Variants in PPM1L observed in about 807,000 individuals in gnomAD.
PPM1L encodes protein phosphatase 1L.
Under a neutral mutation model 31.4 loss-of-function variants are expected in PPM1L, and 13 were observed. The observed-to-expected ratio is 0.41, with a 90% CI of 0.27 to 0.66. The LOEUF (loss-of-function observed/expected upper bound fraction) is 0.66, where lower values mean the gene tolerates loss of function less well. PPM1L is among the 30% of genes least tolerant of loss of function. The probability of loss-of-function intolerance (pLI) is 0.29; values close to 1 mark genes in which losing one functional copy is unlikely to be tolerated. For synonymous variants in PPM1L, 184 were observed against 175.4 expected (o/e 1.05, Z -0.39); for missense variants, 326 against 453.7 (o/e 0.72, Z 2.56).
chr3:161,022,657 C>CTTTTTTTTTT (rs71147399), intron 2 of PPM1L, among the ~76,000 whole-genome samples: 3 of 93,716 alleles, frequency 3.2e-5, no homozygotes, highest in Non-Finnish European at 3.8e-5. Flanking sequence ...ATTTCTCCTT[C>CTTTTTTTTTT]TTTTTTTTTT....
At chr3:160,981,776 T>TTTA (rs1179301815) in intron 2 of PPM1L, among the ~76,000 whole-genome samples, 3 of 77,896 alleles carry the variant, frequency 3.9e-5, no homozygotes, top group African/African-American at 1.4e-4. Flanking sequence ...TTATTTATTT[T>TTTA]TATTGAGATG....
chr3:160,806,796 C>T (rs1332151301), intron 1 of PPM1L, among the ~76,000 whole-genome samples: 1 of 129,112 alleles, frequency 7.7e-6, no homozygotes, highest in East Asian at 2.2e-4. Context: ...GGAGAGAGGA[C>T]AGAAAGAGAG....
intron 1 of PPM1L, among the ~76,000 whole-genome samples, chr3:160,892,235 C>G (rs1333050077): frequency 6.6e-6 from 1 of 152,182 alleles, no homozygotes; most frequent in Non-Finnish European, 1.5e-5. Context: ...GTGCTGGCAT[C>G]TGCTTGGCTT....
At chr3:160,925,568 C>T (rs1419198074) in intron 1 of PPM1L, among the ~76,000 whole-genome samples, 1 of 151,994 alleles carries the variant, frequency 6.6e-6, no homozygotes, top group Non-Finnish European at 1.5e-5. Flanking sequence ...GAAACTAACC[C>T]GCCATTACTG....
chr3:160,873,662 C>T (rs1839015), intron 1 of PPM1L, among the ~76,000 whole-genome samples: 56,263 of 151,896 alleles, frequency 0.37, 13,294 homozygotes, highest in Non-Finnish European at 0.53. Flanking sequence ...ATTCTCCTGC[C>T]TCAGCCTCCT....
chr3:160,905,699 T>C (rs990811715), intron 1 of PPM1L, among the ~76,000 whole-genome samples: 10 of 152,190 alleles, frequency 6.6e-5, no homozygotes, highest in African/African-American at 2.4e-4. Context: ...AATCTACAGA[T>C]TGAAATACAT....
intron 1 of PPM1L, among the ~76,000 whole-genome samples, chr3:160,785,867 A>G (rs1318030798): frequency 1.4e-5 from 2 of 143,152 alleles, no homozygotes; most frequent in Non-Finnish European, 3.0e-5. Context: ...TCTTTCCCAC[A>G]TGTGTATATT....
At chr3:160,796,263 C>T (rs1456317621) in intron 1 of PPM1L, among the ~76,000 whole-genome samples, 1 of 152,204 alleles carries the variant, frequency 6.6e-6, no homozygotes, top group Non-Finnish European at 1.5e-5. Context: ...ATATTTATAG[C>T]TCTCTTTTTT....
intron 2 of PPM1L, among the ~76,000 whole-genome samples, chr3:161,025,666 C>T (rs940468352): frequency 4.6e-5 from 7 of 152,032 alleles, no homozygotes; most frequent in African/African-American, 1.4e-4. Context: ...AGAAGGCCCT[C>T]ACTAGAGGCT....
chr3:160,976,728 T>C (rs1446588476), intron 2 of PPM1L, among the ~76,000 whole-genome samples: 1 of 152,230 alleles, frequency 6.6e-6, no homozygotes, highest in African/African-American at 2.4e-5. Context: ...ATATCCCCTT[T>C]ATCATTTTTT....
At chr3:160,930,067 C>T (rs1325613287) in intron 1 of PPM1L, among the ~76,000 whole-genome samples, 2 of 152,198 alleles carry the variant, frequency 1.3e-5, no homozygotes, top group Non-Finnish European at 2.9e-5. Flanking sequence ...CCCAAGAAAC[C>T]TTCCTCAGAA....
Position 161,073,563 on chromosome 3 carries a change from T to TCC in PPM1L, c.*4412_*4413dup, listed in dbSNP as rs372205550. The TCC allele has an allele frequency of 4.7e-5, 7 of 147,796 alleles. No individual in the cohort carries two copies. Among genetic ancestry groups the TCC allele is most frequent in the African/African-American group, 1.8e-4 (7 of 39,962 alleles). 9.2% of individuals were successfully genotyped at this position (147,796 alleles called of 1,614,324 possible). A position where few individuals can be genotyped will look rare whatever the true frequency, so the allele number is the denominator to read the frequency against. ...ATCCTACTTAAAGCTCTAAACATCA[T>TCC]CCCCCCCTTTTTTTTTTTAACGGAA... is the stretch of plus-strand genomic sequence containing the variant. On this transcript the variant is annotated 3_prime_UTR_variant, in exon 4 of 4. Transcript: ENST00000498165.
At chr3:160,835,289 C>T (rs148607425) in intron 1 of PPM1L, among the ~76,000 whole-genome samples, 7 of 150,740 alleles carry the variant, frequency 4.6e-5, no homozygotes, top group African/African-American at 7.3e-5. Context: ...GTGGTCAGTT[C>T]CTTAGCTCTT....
At chr3:160,887,175 G>A (rs1261323982) in intron 1 of PPM1L, among the ~76,000 whole-genome samples, 1 of 151,928 alleles carries the variant, frequency 6.6e-6, no homozygotes, top group East Asian at 1.9e-4. Flanking sequence ...ACAATGAAAA[G>A]GAATGAACAA....
chr3:160,907,977 A>T (rs1476815365), intron 1 of PPM1L, among the ~76,000 whole-genome samples: 2 of 152,250 alleles, frequency 1.3e-5, no homozygotes, highest in Admixed American at 6.5e-5. Context: ...CAGGCTGTGC[A>T]GGTCAGCCTC....
chr3:160,907,295 A>G (rs1186418793), intron 1 of PPM1L, among the ~76,000 whole-genome samples: 3 of 152,234 alleles, frequency 2.0e-5, no homozygotes, highest in Non-Finnish European at 4.4e-5. Context: ...ATAGTTTAGG[A>G]TGAAGATTAA....
At chr3:161,040,503 G>A (rs2108088690) in intron 2 of PPM1L, among the ~76,000 whole-genome samples, 1 of 152,258 alleles carries the variant, frequency 6.6e-6, no homozygotes, top group East Asian at 1.9e-4. Context: ...AGTTAAACAT[G>A]CGAACTGAAA....
chr3:160,823,076 A>G (rs1225883633), intron 1 of PPM1L, among the ~76,000 whole-genome samples: 1 of 152,134 alleles, frequency 6.6e-6, no homozygotes, highest in Admixed American at 6.6e-5. Flanking sequence ...TCAAGAGGAA[A>G]AAAAAGAAGC....
chr3:161,028,785 T>C (rs766671028), intron 2 of PPM1L, among the ~76,000 whole-genome samples: 2 of 152,130 alleles, frequency 1.3e-5, no homozygotes, highest in Non-Finnish European at 2.9e-5. Flanking sequence ...GAGGCAGTCA[T>C]TAATAAAAGC....
Sources: gnomAD v4.1 joint callset for allele counts (sites outside exome capture counted in the v4.1 genomes callset) on GRCh38, gnomAD v4.1.1 for gene constraint, MANE v1.5 for transcripts, NCBI Gene and HGNC (gene_info 2026-07-23, HGNC 2026-07-21) for gene names.